The following N4BP2 variants were observed in gnomAD, a reference collection of about 807,000 sequenced individuals.
The protein encoded by N4BP2 is NEDD4-binding protein 2.
N4BP2 carries 91 observed loss-of-function variants against 152.8 expected under a neutral mutation model. The observed-to-expected ratio is 0.60, with a 90% confidence interval of 0.50 to 0.71. The LOEUF is 0.71. Among genes scored for constraint, N4BP2 ranks in the 30% least tolerant of loss-of-function variants. The pLI is 0.00. For synonymous variants in N4BP2, 646 were observed against 705.3 expected (o/e 0.92, Z 1.33); for missense variants, 1,923 against 2,059.1 (o/e 0.93, Z 1.28).
At chr4:40,164,908 ACT>A in the N4BP2 span, among the ~76,000 whole-genome samples, 7 of 152,116 alleles carry the variant, frequency 4.6e-5, no homozygotes, top group Non-Finnish European at 8.8e-5. Context: ...CTTTGCTGAG[ACT>A]CTGAAGACTC....
At chr4:40,129,130 C>T (rs148917117) in intron 12 of N4BP2, among the ~76,000 whole-genome samples, 1 of 151,998 alleles carries the variant, frequency 6.6e-6, no homozygotes, top group Admixed American at 6.6e-5. Context: ...GCTCACTGCA[C>T]CTTTGCCTTT....
Position 40,144,663 on chromosome 4 carries a change from C to T in N4BP2, c.5006C>T (p.Ala1669Val). ...GTLHEQKMKE[A>V]NHLAAIEIFE... ...CTTCATGAGCAGAAGATGAAAGAAG[C>T]CAATCACCTTGCTGCCATAGAGATC... Residue 1669 changes from alanine (A) to valine (V), a missense_variant, in exon 16 of 18, where the codon GCC (alanine) becomes GTC (valine). Coordinates refer to ENST00000261435, the MANE Select transcript of N4BP2 (RefSeq NM_018177.6). The T allele has an allele frequency of 1.2e-6, 2 of 1,613,056 alleles. No individual in the cohort carries two copies. The highest frequency in any genetic ancestry group is 1.7e-6 in the Non-Finnish European group (2 of 1,179,582).
chr4:40,186,221 G>A, the N4BP2 span, among the ~76,000 whole-genome samples: 1 of 151,408 alleles, frequency 6.6e-6, no homozygotes, highest in Non-Finnish European at 1.5e-5. Flanking sequence ...GAGTAATGAG[G>A]AAGATGACTT....
At chr4:40,142,136 G>GGAGACCAT in intron 14 of N4BP2, 1 of 160,882 alleles carries the variant, frequency 6.2e-6, no homozygotes, top group South Asian at 1.6e-4. Flanking sequence ...GGGAGAGGGG[G>GGAGACCAT]AGGGGGAGGG....
intron 15 of N4BP2, 84 bp from the exon 16 acceptor site, chr4:40,144,548 C>T: frequency 2.8e-6 from 3 of 1,066,124 alleles, no homozygotes; most frequent in Non-Finnish European, 4.0e-6. Flanking sequence ...TTCCCCCTTC[C>T]TTTTATTTGG....
At chr4:40,160,237 A>G (rs933439901), downstream of N4BP2, among the ~76,000 whole-genome samples, 2 of 152,232 alleles carry the variant, frequency 1.3e-5, no homozygotes, top group Admixed American at 1.3e-4. Flanking sequence ...ACATTAGTCA[A>G]AACATGTTTT....
At chr4:40,158,566 G>C (rs1721768922), downstream of N4BP2, among the ~76,000 whole-genome samples, 1 of 152,124 alleles carries the variant, frequency 6.6e-6, no homozygotes, top group Admixed American at 6.5e-5. Flanking sequence ...AGGAGGCTGA[G>C]ACGGGCAGGT....
chr4:40,144,674 G>A lies in N4BP2; in HGVS notation c.5017G>A (p.Ala1673Thr). 2 of 1,613,748 alleles carry A rather than the reference G, an allele frequency of 1.2e-6. No homozygotes were observed. The highest frequency in any genetic ancestry group is 1.6e-4 in the Middle Eastern group (1 of 6,062). Residue 1673 changes from alanine (A) to threonine (T), a missense_variant, in exon 16 of 18, where the codon GCT becomes ACT. Transcript: ENST00000261435. ...EQKMKEANHLAAIEIFEKVNA... is the reference protein window; with the variant it reads ...EQKMKEANHLTAIEIFEKVNA... ...GAAGATGAAAGAAGCCAATCACCTT[G>A]CTGCCATAGAGATCTTTGAGAAAGT...
At chr4:40,175,168 A>G in the N4BP2 span, among the ~76,000 whole-genome samples, 1 of 151,680 alleles carries the variant, frequency 6.6e-6, no homozygotes. Flanking sequence ...CTATAGGTGC[A>G]TGCCACTGTG....
intron 7 of N4BP2, 23 bp downstream of exon 7, chr4:40,113,531 C>T (rs774240913): frequency 2.6e-6 from 4 of 1,549,818 alleles, no homozygotes; most frequent in Non-Finnish European, 3.6e-6. Context: ...GGCTACCTAA[C>T]ATGCTTTTTA....
the N4BP2 span, among the ~76,000 whole-genome samples, chr4:40,185,791 T>TA: frequency 6.6e-6 from 1 of 152,098 alleles, no homozygotes; most frequent in East Asian, 1.9e-4. Context: ...TTTAAATGAT[T>TA]AAAAAAATGC....
chr4:40,098,877 G>A (rs1715346820), intron 3 of N4BP2, among the ~76,000 whole-genome samples: 1 of 152,074 alleles, frequency 6.6e-6, no homozygotes, highest in South Asian at 2.1e-4. Context: ...TTTGAGTGGT[G>A]GAATTTTGTT....
At chr4:40,183,634 C>T in the N4BP2 span, among the ~76,000 whole-genome samples, 1 of 152,198 alleles carries the variant, frequency 6.6e-6, no homozygotes, top group African/African-American at 2.4e-5. Context: ...CTGCGACCGG[C>T]CTACTTTTTA....
chr4:40,141,709 T>C (rs1478075965), intron 14 of N4BP2, among the ~76,000 whole-genome samples: 1 of 152,126 alleles, frequency 6.6e-6, no homozygotes, highest in Non-Finnish European at 1.5e-5. Flanking sequence ...GGCTGCAATC[T>C]CCGGCACTTT....
chr4:40,136,842 T>A, intron 13 of N4BP2, 102 bp from the exon 14 acceptor site: 1 of 836,370 alleles, frequency 1.2e-6, no homozygotes, highest in Non-Finnish European at 1.8e-6. Context: ...AGTAAGCCAG[T>A]TTTTCATATT....
rs1300804135 is a variant in N4BP2, at chr4:40,154,188, G to T, written c.5268-4G>T. 3.8e-6 allele frequency: 6 copies of T among 1,595,934 alleles called. No homozygotes were observed. Among genetic ancestry groups the T allele is most frequent in the Non-Finnish European group, 5.1e-6 (6 of 1,169,000 alleles). On this transcript the variant is annotated splice_region_variant and splice_polypyrimidine_tract_variant and intron_variant, in intron 17 of 17. Transcript: ENST00000261435. ...TTAAAATAACTCTTTTCTCATTTCT[G>T]CAGGTTCTCTGAAATTAAACCAGGG...
intron 3 of N4BP2, among the ~76,000 whole-genome samples, chr4:40,098,663 C>CTG (rs1715322037): frequency 6.6e-6 from 1 of 152,170 alleles, no homozygotes; most frequent in African/African-American, 2.4e-5. Context: ...GTCAGCAGTG[C>CTG]ATGATGCTCA....
intron 5 of N4BP2, among the ~76,000 whole-genome samples, chr4:40,109,682 C>T (rs1716685352): frequency 6.6e-6 from 1 of 151,668 alleles, no homozygotes; most frequent in African/African-American, 2.4e-5. Context: ...CCCACTACTG[C>T]ACTCCAGCCT....
the N4BP2 span, among the ~76,000 whole-genome samples, chr4:40,172,202 A>G: frequency 3.3e-5 from 5 of 152,158 alleles, no homozygotes; most frequent in Admixed American, 3.3e-4. Context: ...GGTGTGAGCC[A>G]TCACACCCTG....
Sources: gnomAD v4.1 joint callset for allele counts (sites outside exome capture counted in the v4.1 genomes callset) on GRCh38, gnomAD v4.1.1 for gene constraint, MANE v1.5 for transcripts, NCBI Gene and HGNC (gene_info 2026-07-23, HGNC 2026-07-21) for gene names.